The following CNTNAP2 variants were observed in gnomAD, a reference collection of about 807,000 sequenced individuals.
CNTNAP2 encodes the protein contactin associated protein 2, also known as contactin-associated protein-like 2.
In CNTNAP2, 98 loss-of-function variants were observed where a neutral mutation model predicts 155.2. That is an observed-to-expected ratio of 0.63 (90% CI 0.54 to 0.75). The LOEUF (loss-of-function observed/expected upper bound fraction) is 0.75. CNTNAP2 is among the 30% of genes least tolerant of loss of function. The pLI is 0.00. For synonymous variants in CNTNAP2, 651 were observed against 631.2 expected, an observed-to-expected ratio of 1.03 and a Z score of -0.47; for missense variants, 1,727 against 1,688.1, an observed-to-expected ratio of 1.02 and a Z score of -0.40.
rs139242691 is a variant in CNTNAP2, at chr7:147,596,538, C to G, written c.1897+34281C>G. Among the ~76,000 whole-genome samples, 52 of 152,288 alleles carry G rather than the reference C, an allele frequency of 3.4e-4. 1 individual carries two copies. The highest frequency in any genetic ancestry group is 6.3e-4 in the Non-Finnish European group (43 of 68,016). The stretch of plus-strand genomic sequence containing the variant: ...TTTGTGTTAGGTATCCACACTCCTT[C>G]TCGGGGTCTCAAACCTTGTGCAGAA... On this transcript the variant is annotated intron_variant, in intron 12 of 23. Transcript: ENST00000361727.
chr7:147,651,115 A>G (rs532646896), intron 13 of CNTNAP2, among the ~76,000 whole-genome samples: 1 of 152,272 alleles, frequency 6.6e-6, no homozygotes, highest in Non-Finnish European at 1.5e-5. Flanking sequence ...GAAACAGAAC[A>G]AGTAGAAGAT....
chr7:147,895,165 G>A (rs891727262), intron 13 of CNTNAP2, among the ~76,000 whole-genome samples: 1 of 146,002 alleles, frequency 6.8e-6, no homozygotes, highest in African/African-American at 2.5e-5. Context: ...GTAGAAACGG[G>A]GTTTCATCAT....
intron 15 of CNTNAP2, among the ~76,000 whole-genome samples, chr7:147,994,626 T>C (rs1006614336): frequency 3.3e-5 from 5 of 152,210 alleles, no homozygotes; most frequent in African/African-American, 1.2e-4. Flanking sequence ...GCTCTCTTTT[T>C]GCCTGCTGCT....
At chr7:146,608,121 A>G (rs969998341) in intron 1 of CNTNAP2, among the ~76,000 whole-genome samples, 67 of 152,170 alleles carry the variant, frequency 4.4e-4, no homozygotes, top group African/African-American at 1.5e-3. Context: ...CTAAACAAAT[A>G]CTTTATAAAG....
At chr7:146,329,384 T>G (rs1375281210) in intron 1 of CNTNAP2, among the ~76,000 whole-genome samples, 1 of 152,236 alleles carries the variant, frequency 6.6e-6, no homozygotes, top group Admixed American at 6.5e-5. Flanking sequence ...TCTTTCCCTT[T>G]TTATTTGTGC....
intron 1 of CNTNAP2, among the ~76,000 whole-genome samples, chr7:146,189,879 A>G (rs752002041): frequency 2.0e-5 from 3 of 152,180 alleles, no homozygotes; most frequent in Non-Finnish European, 4.4e-5. Context: ...TTTATCATGT[A>G]GAACACTCTT....
At chr7:148,257,226 G>A (rs1796470393) in intron 20 of CNTNAP2, among the ~76,000 whole-genome samples, 1 of 152,134 alleles carries the variant, frequency 6.6e-6, no homozygotes, top group Non-Finnish European at 1.5e-5. Flanking sequence ...CTCTCCCAAA[G>A]AGGCAAAGGC....
rs140610245 is a variant in CNTNAP2, at chr7:146,596,084, T to A, written c.98-178187T>A. Among the ~76,000 whole-genome samples, 320 of 152,126 alleles carry A rather than the reference T, an allele frequency of 2.1e-3. 2 individuals are homozygous for A. Among genetic ancestry groups the A allele is most frequent in the African/African-American group, 7.4e-3 (307 of 41,538 alleles). On this transcript the variant is annotated intron_variant, in intron 1 of 23. Transcript: ENST00000361727. Reference sequence around the variant, plus strand: ...GTAGGCCAATATATTTTGCTTGAGATCATGTGTCAATATAGCAGCATGCTC... The same window carrying A: ...GTAGGCCAATATATTTTGCTTGAGAACATGTGTCAATATAGCAGCATGCTC...
At chr7:147,302,014 A>C (rs1032813871) in intron 9 of CNTNAP2, among the ~76,000 whole-genome samples, 1 of 152,170 alleles carries the variant, frequency 6.6e-6, no homozygotes, top group African/African-American at 2.4e-5. Flanking sequence ...TTAAGACTAC[A>C]TGATTTTTAA....
intron 5 of CNTNAP2, among the ~76,000 whole-genome samples, chr7:147,116,275 G>A (rs1342057982): frequency 6.6e-6 from 1 of 152,224 alleles, no homozygotes; most frequent in Non-Finnish European, 1.5e-5. Context: ...CTACTGTTGG[G>A]AGGTCTCATT....
At chr7:147,088,482 A>G in intron 4 of CNTNAP2, among the ~76,000 whole-genome samples, 1 of 152,326 alleles carries the variant, frequency 6.6e-6, no homozygotes, top group Non-Finnish European at 1.5e-5. Context: ...GCCAGTTTCT[A>G]AATCTTAAAA....
chr7:147,959,589 G>A (rs113286478), intron 14 of CNTNAP2, among the ~76,000 whole-genome samples: 2,642 of 152,244 alleles, frequency 0.017, 42 homozygotes, highest in Non-Finnish European at 0.023. Context: ...GGGCAGTTCT[G>A]CAGTCATGTT....
chr7:148,144,287 G>A (rs1377104185), intron 16 of CNTNAP2, among the ~76,000 whole-genome samples: 8 of 152,258 alleles, frequency 5.3e-5, no homozygotes, highest in East Asian at 3.9e-4. Flanking sequence ...GTCACTCTCC[G>A]GGGCAGAAAT....
At chr7:146,292,272 T>A (rs116159619) in intron 1 of CNTNAP2, among the ~76,000 whole-genome samples, 2 of 152,270 alleles carry the variant, frequency 1.3e-5, no homozygotes, top group African/African-American at 4.8e-5. Flanking sequence ...GAACATGAGA[T>A]GTTTGATTCC....
intron 1 of CNTNAP2, among the ~76,000 whole-genome samples, chr7:146,420,285 AT>A (rs1795992590): frequency 6.6e-6 from 1 of 152,098 alleles, no homozygotes; most frequent in Admixed American, 6.6e-5. Context: ...AGAGTCTTGA[AT>A]AAACTTATTC....
intron 1 of CNTNAP2, among the ~76,000 whole-genome samples, chr7:146,661,422 T>G (rs1214979907): frequency 6.6e-6 from 1 of 151,932 alleles, no homozygotes; most frequent in Non-Finnish European, 1.5e-5. Flanking sequence ...CATGCTCCGA[T>G]GTAATCAATA....
chr7:147,209,338 C>G (rs1204817803), intron 8 of CNTNAP2, among the ~76,000 whole-genome samples: 1 of 151,814 alleles, frequency 6.6e-6, no homozygotes, highest in Non-Finnish European at 1.5e-5. Flanking sequence ...TCCTAGGTAT[C>G]TTGTGTGGGT....
chr7:146,665,800 A>AAAAAAAAAAAAAAAAAAAAAC (rs1563179456), intron 1 of CNTNAP2, among the ~76,000 whole-genome samples: 2 of 144,794 alleles, frequency 1.4e-5, no homozygotes, highest in African/African-American at 2.7e-5. Flanking sequence ...AAAAAAAAAT[A>AAAAAAAAAAAAAAAAAAAAAC]CATTTTGTAA....
chr7:148,366,831 AAAAAG>A (rs1798791301), intron 21 of CNTNAP2, among the ~76,000 whole-genome samples: 1 of 152,222 alleles, frequency 6.6e-6, no homozygotes, highest in South Asian at 2.1e-4. Context: ...ACCCCAAAAA[AAAAAG>A]GCAACTTCAG....
Sources: allele counts gnomAD v4.1 joint callset (sites outside exome capture counted in the v4.1 genomes callset), GRCh38; gene constraint gnomAD v4.1.1; transcripts MANE v1.5; gene names NCBI Gene and HGNC (gene_info 2026-07-23, HGNC 2026-07-21).